The following HDAC9 variants were observed in gnomAD, a reference collection of about 807,000 sequenced individuals.
HDAC9 encodes histone deacetylase 9.
In HDAC9, 41 loss-of-function variants were observed where a neutral mutation model predicts 139.4. That is an observed-to-expected ratio of 0.29 (90% CI 0.23 to 0.38). HDAC9 has a LOEUF of 0.38. HDAC9 is among the 10% of genes least tolerant of loss of function. HDAC9 has a pLI of 1.00. For missense variants in HDAC9, 1,147 were observed against 1,297.0 expected (o/e 0.88, Z 1.78); for synonymous variants, 517 against 476.2 (o/e 1.09, Z -1.12).
intron 2 of HDAC9, among the ~76,000 whole-genome samples, chr7:18,176,143 C>G (rs895591483): frequency 1.3e-5 from 2 of 152,106 alleles, no homozygotes; most frequent in African/African-American, 4.8e-5. Context: ...ATGAGAAAAA[C>G]TAGTCATGAG....
intron 11 of HDAC9, among the ~76,000 whole-genome samples, chr7:18,662,303 A>C (rs1793441180): frequency 1.3e-5 from 2 of 152,090 alleles, no homozygotes; most frequent in Non-Finnish European, 2.9e-5. Flanking sequence ...GATTTTGGTT[A>C]AATGGTGTAG....
chr7:18,761,112 A>G (rs1789346034), intron 14 of HDAC9, among the ~76,000 whole-genome samples: 1 of 152,246 alleles, frequency 6.6e-6, no homozygotes, highest in Non-Finnish European at 1.5e-5. Flanking sequence ...TGAAATATTA[A>G]CACTGTCTCT....
chr7:18,883,890 A>G (rs1434303095), intron 22 of HDAC9, among the ~76,000 whole-genome samples: 2 of 152,162 alleles, frequency 1.3e-5, no homozygotes, highest in Non-Finnish European at 2.9e-5. Context: ...ATTTCTGTAT[A>G]CTAACAATGA....
upstream of HDAC9, among the ~76,000 whole-genome samples, chr7:18,495,495 A>C (rs899388718): frequency 1.3e-5 from 2 of 152,096 alleles, no homozygotes; most frequent in African/African-American, 4.8e-5. Flanking sequence ...GAGAGAGGAA[A>C]GAGTTAATTG....
At chr7:18,824,827 G>T (rs1193128373) in intron 17 of HDAC9, among the ~76,000 whole-genome samples, 1 of 152,172 alleles carries the variant, frequency 6.6e-6, no homozygotes, top group Non-Finnish European at 1.5e-5. Context: ...AATAATTACT[G>T]GAGGAGTAAT....
intron 17 of HDAC9, among the ~76,000 whole-genome samples, chr7:18,819,039 G>A (rs1794772940): frequency 1.3e-5 from 2 of 152,056 alleles, no homozygotes; most frequent in African/African-American, 4.8e-5. Context: ...CAGCACTTTA[G>A]GAGACTGAGG....
intron 1 of HDAC9, among the ~76,000 whole-genome samples, chr7:18,461,438 A>C (rs1164931745): frequency 6.6e-6 from 1 of 152,184 alleles, no homozygotes; most frequent in Non-Finnish European, 1.5e-5. Flanking sequence ...AAAGTCCAAA[A>C]TGCTTAAAAA....
At chr7:18,576,517 C>T (rs1825982245) in intron 2 of HDAC9, among the ~76,000 whole-genome samples, 1 of 151,940 alleles carries the variant, frequency 6.6e-6, no homozygotes, top group Admixed American at 6.6e-5. Context: ...CAAAAATTAG[C>T]CAGGCATGCT....
At chr7:18,252,077 T>C (rs755714607) in intron 2 of HDAC9, among the ~76,000 whole-genome samples, 4 of 152,206 alleles carry the variant, frequency 2.6e-5, no homozygotes, top group Non-Finnish European at 4.4e-5. Context: ...GCATGCAGCA[T>C]TTACTGTCAT....
intron 1 of HDAC9, among the ~76,000 whole-genome samples, chr7:18,096,955 A>G (rs983837533): frequency 1.3e-5 from 2 of 151,540 alleles, no homozygotes; most frequent in Admixed American, 6.6e-5. Flanking sequence ...TCTCTTATGT[A>G]CAGGGCACTT....
chr7:18,169,168 C>T (rs1157279555), intron 2 of HDAC9, among the ~76,000 whole-genome samples: 1 of 152,002 alleles, frequency 6.6e-6, no homozygotes, highest in Non-Finnish European at 1.5e-5. Flanking sequence ...AACTCCTGAC[C>T]TCAGGTGATC....
At chr7:18,312,493 T>TG (rs1799383623) in intron 1 of HDAC9, among the ~76,000 whole-genome samples, 1 of 152,206 alleles carries the variant, frequency 6.6e-6, no homozygotes, top group South Asian at 2.1e-4. Flanking sequence ...TGCTACATAG[T>TG]AGTTCATTGT....
chr7:18,247,160 C>A (rs1023878257), intron 2 of HDAC9, among the ~76,000 whole-genome samples: 2 of 151,740 alleles, frequency 1.3e-5, no homozygotes, highest in African/African-American at 4.8e-5. Flanking sequence ...ATATGTCTGT[C>A]TGGAGTTCTA....
chr7:18,893,200 A>G (rs1800852833), intron 22 of HDAC9, among the ~76,000 whole-genome samples: 1 of 152,078 alleles, frequency 6.6e-6, no homozygotes, highest in African/African-American at 2.4e-5. Flanking sequence ...AGCAGAGAGA[A>G]AGCTGTAAAC....
At chr7:18,189,456 TTTTG>T (rs139878468) in intron 2 of HDAC9, among the ~76,000 whole-genome samples, 25 of 152,140 alleles carry the variant, frequency 1.6e-4, no homozygotes, top group South Asian at 1.5e-3. Flanking sequence ...TGTATCCTGT[TTTTG>T]TTTGTTTGTT....
intron 21 of HDAC9, among the ~76,000 whole-genome samples, chr7:18,864,547 A>T (rs558028732): frequency 6.6e-6 from 1 of 152,236 alleles, no homozygotes; most frequent in East Asian, 1.9e-4. Flanking sequence ...TACAGGTAAC[A>T]TTGTATTATA....
At chr7:18,144,356 C>G (rs1786138963) in intron 1 of HDAC9, among the ~76,000 whole-genome samples, 1 of 152,122 alleles carries the variant, frequency 6.6e-6, no homozygotes, top group Admixed American at 6.5e-5. Flanking sequence ...TTCTTCTGGT[C>G]CACCAAATCA....
chr7:18,732,944 C>CACACGTGTGTATGTATGTGTATAT (rs1554339664), intron 13 of HDAC9, among the ~76,000 whole-genome samples: 2,491 of 74,008 alleles, frequency 0.034, 512 homozygotes, highest in African/African-American at 0.13. Context: ...TATGTGTATA[C>CACACGTGTGTATGTATGTGTATAT]ACACGTGTAT....
At chr7:18,935,185 A>C (rs74804648) in intron 22 of HDAC9, among the ~76,000 whole-genome samples, 7,007 of 152,244 alleles carry the variant, frequency 0.046, 514 homozygotes, top group African/African-American at 0.16. Context: ...AAGTGTTGCT[A>C]ACTTAATTTT....
Sources: allele counts gnomAD v4.1 joint callset (sites outside exome capture counted in the v4.1 genomes callset), GRCh38; gene constraint gnomAD v4.1.1; transcripts MANE v1.5; gene names NCBI Gene and HGNC (gene_info 2026-07-23, HGNC 2026-07-21).